The following AHR variants were observed in gnomAD, a reference collection of about 807,000 sequenced individuals.
AHR encodes aryl hydrocarbon receptor.
Under a neutral mutation model 86.8 loss-of-function variants are expected in AHR, and 40 were observed. The observed-to-expected ratio is 0.46, with a 90% CI of 0.36 to 0.60. The LOEUF (loss-of-function observed/expected upper bound fraction) is 0.60. AHR is among the 20% of genes least tolerant of loss of function. The pLI is 0.00. For synonymous variants in AHR, 398 were observed against 354.9 expected (o/e 1.12, Z -1.37); for missense variants, 1,001 against 1,011.6 (o/e 0.99, Z 0.14).
chr7:17,329,831 C>A (rs1782266967), intron 4 of AHR, 121 bp from the exon 5 acceptor site: 1 of 836,958 alleles, frequency 1.2e-6, no homozygotes, highest in Non-Finnish European at 1.7e-6. Flanking sequence ...TTTTAGGAAT[C>A]ATTCAATTCG....
chr7:17,326,945 T>G (rs1314779518), intron 3 of AHR, among the ~76,000 whole-genome samples: 2 of 152,118 alleles, frequency 1.3e-5, no homozygotes, highest in Non-Finnish European at 2.9e-5. Flanking sequence ...AATAAAGTGA[T>G]CTATGATACT....
chr7:17,323,261 G>A (rs898152783), intron 3 of AHR, among the ~76,000 whole-genome samples: 2 of 152,016 alleles, frequency 1.3e-5, no homozygotes, highest in Admixed American at 1.3e-4. Flanking sequence ...TATTAAAATT[G>A]TTAAATGCAT....
At chr7:17,313,169 G>A (rs1360080655) in intron 2 of AHR, among the ~76,000 whole-genome samples, 1 of 151,802 alleles carries the variant, frequency 6.6e-6, no homozygotes, top group East Asian at 1.9e-4. Context: ...CAGACTACCA[G>A]TGGTCTGGAA....
chr7:17,306,053 C>A (rs764015496), intron 1 of AHR, among the ~76,000 whole-genome samples: 41 of 152,234 alleles, frequency 2.7e-4, no homozygotes, highest in Admixed American at 1.2e-3. Flanking sequence ...TAAGTTACTC[C>A]TTTGCCTGAC....
In AHR at chr7:17,345,824, C is replaced by T. The variant is rs1782477390; in HGVS notation, c.*2760C>T. On this transcript the variant is annotated 3_prime_UTR_variant, in exon 11 of 11. Coordinates refer to ENST00000242057, the MANE Select transcript of AHR (RefSeq NM_001621.5). ...CAAACAAAGGATACTTAGTGCACTGCTACATTGTGGGATTTATTTCTAGAT... is the reference window on the plus strand; with the variant it reads ...CAAACAAAGGATACTTAGTGCACTGTTACATTGTGGGATTTATTTCTAGAT... 6.6e-6 allele frequency: 1 copy of T among 152,608 alleles called. No homozygotes were observed. Among genetic ancestry groups the T allele is most frequent in the Non-Finnish European group, 1.5e-5 (1 of 68,016 alleles). The allele number at this position is 152,608 out of a possible 1,614,324, so 9.5% of individuals were successfully genotyped here.
intron 1 of AHR, among the ~76,000 whole-genome samples, chr7:17,301,425 T>C (rs1356046549): frequency 6.6e-6 from 1 of 151,968 alleles, no homozygotes; most frequent in Non-Finnish European, 1.5e-5. Flanking sequence ...TTGGGGAAAA[T>C]AGATCTTGTT....
intron 3 of AHR, among the ~76,000 whole-genome samples, chr7:17,323,678 G>C (rs563414324): frequency 6.6e-6 from 1 of 152,264 alleles, no homozygotes; most frequent in Non-Finnish European, 1.5e-5. Flanking sequence ...TCATTCAGTG[G>C]ATGGTGATGT....
chr7:17,310,546 T>C (rs980276205), intron 2 of AHR, among the ~76,000 whole-genome samples: 21 of 152,122 alleles, frequency 1.4e-4, no homozygotes, highest in African/African-American at 5.1e-4. Context: ...CTTTTTTTTT[T>C]TTTTTGAGGC....
chr7:17,320,770 C>G (rs1299195906), intron 2 of AHR, among the ~76,000 whole-genome samples: 1 of 152,118 alleles, frequency 6.6e-6, no homozygotes, highest in Non-Finnish European at 1.5e-5. Context: ...TAAACATTTC[C>G]TTTGGTCTTG....
Position 17,338,991 on chromosome 7 carries a change from A to T in AHR, c.1166A>T (p.Glu389Val). ...TTTTTTGTACACAATTTTAGAGATG[A>T]GGAAGGAACAGAGCATTTACGAAAA... The part of the protein sequence containing the change: ...IIVTQRPLTD[E>V]EGTEHLRKRN... Residue 389 changes from glutamate to valine, a missense_variant, in exon 10 of 11, where the codon GAG becomes GTG. Coordinates refer to ENST00000242057, the MANE Select transcript of AHR (RefSeq NM_001621.5). 2 of 1,592,624 alleles carry T rather than the reference A, an allele frequency of 1.3e-6. No individual in the cohort carries two copies. The highest frequency in any genetic ancestry group is 2.3e-5 in the South Asian group (2 of 86,790).
intron 9 of AHR, among the ~76,000 whole-genome samples, chr7:17,336,910 C>A (rs779777937): frequency 1.3e-5 from 2 of 151,746 alleles, no homozygotes; most frequent in Non-Finnish European, 2.9e-5. Context: ...TATGTCTGCT[C>A]ATTATTATTT....
In AHR at chr7:17,343,631, A is replaced by G. The variant is rs1782449975; in HGVS notation, c.*567A>G. On this transcript the variant is annotated 3_prime_UTR_variant, in exon 11 of 11. Transcript: ENST00000242057. ...AAGTGCCTCACATTTTTTTCTACCT[A>G]TAACACTCTAGGATGTATATTTTAT... 2 of 153,130 alleles carry G rather than the reference A, an allele frequency of 1.3e-5. No homozygotes were observed. The highest frequency in any genetic ancestry group is 4.8e-5 in the African/African-American group (2 of 41,442). 9.5% of individuals were successfully genotyped at this position (153,130 alleles called of 1,614,324 possible).
chr7:17,299,507 G>A (rs1781932344), intron 1 of AHR, 178 bp downstream of exon 1: 2 of 709,440 alleles, frequency 2.8e-6, no homozygotes, highest in Non-Finnish European at 4.6e-6. Context: ...GGATTCTCCC[G>A]TTTTCAATGA....
chr7:17,332,929 T>C (rs1259265213), intron 6 of AHR, among the ~76,000 whole-genome samples: 1 of 151,982 alleles, frequency 6.6e-6, no homozygotes, highest in African/African-American at 2.4e-5. Flanking sequence ...CAATAAGTGC[T>C]CTTATACAGG....
chr7:17,340,232 A>T lies in AHR; in HGVS notation c.2403+4A>T. ...CCAACAGGCATTTTTAAACAAGGTA[A>T]GGGTGTTATCAAACTGAATTAAATC... On this transcript the variant is annotated splice_donor_region_variant and intron_variant, in intron 10 of 10. Coordinates refer to ENST00000242057, the MANE Select transcript of AHR (RefSeq NM_001621.5). The T allele has an allele frequency of 6.3e-7, 1 of 1,593,890 alleles. No individual in the cohort carries two copies. The highest frequency in any genetic ancestry group is 8.6e-7 in the Non-Finnish European group (1 of 1,169,364).
intron 1 of AHR, among the ~76,000 whole-genome samples, chr7:17,306,044 A>G (rs754445457): frequency 6.6e-6 from 1 of 152,122 alleles, no homozygotes; most frequent in Non-Finnish European, 1.5e-5. Flanking sequence ...AAAAAATAAT[A>G]AGTTACTCCT....
intron 2 of AHR, among the ~76,000 whole-genome samples, chr7:17,312,797 T>C (rs1045491244): frequency 6.6e-6 from 1 of 152,228 alleles, no homozygotes; most frequent in Non-Finnish European, 1.5e-5. Context: ...TCAAACTGCA[T>C]TGTGCATAAG....
chr7:17,338,895 A>G (rs756336685), intron 9 of AHR, 91 bp from the exon 10 acceptor site: 40 of 1,228,538 alleles, frequency 3.3e-5, no homozygotes, highest in Middle Eastern at 5.7e-4. Context: ...ATTACAATGT[A>G]TTTTGCTTTA....
At chr7:17,307,645 A>G (rs1351668687) in intron 1 of AHR, among the ~76,000 whole-genome samples, 1 of 152,180 alleles carries the variant, frequency 6.6e-6, no homozygotes, top group East Asian at 1.9e-4. Flanking sequence ...AGGAACATGG[A>G]CAGTTCAGAG....
Sources: gnomAD v4.1 joint callset for allele counts (sites outside exome capture counted in the v4.1 genomes callset) on GRCh38, gnomAD v4.1.1 for gene constraint, MANE v1.5 for transcripts, NCBI Gene and HGNC (gene_info 2026-07-23, HGNC 2026-07-21) for gene names.